ARHGAP39: variants seen among roughly 807,000 people sequenced by gnomAD.
ARHGAP39 encodes Rho GTPase activating protein 39.
Under a neutral mutation model 106.9 loss-of-function variants are expected in ARHGAP39, and 44 were observed. The ratio of observed to expected loss-of-function variants is 0.41; its 90% CI spans 0.32 to 0.53. The LOEUF (loss-of-function observed/expected upper bound fraction) is 0.53. Among genes scored for constraint, ARHGAP39 ranks in the 20% least tolerant of loss-of-function variants. ARHGAP39 has a pLI of 0.21. For synonymous variants in ARHGAP39, 768 were observed against 693.2 expected, an observed-to-expected ratio of 1.11 and a Z score of -1.69; for missense variants, 1,496 against 1,577.3, an observed-to-expected ratio of 0.95 and a Z score of 0.87.
At chr8:144,683,364 T>C (rs1822479807) in intron 1 of ARHGAP39, 1 of 149,200 alleles carries the variant, frequency 6.7e-6, no homozygotes, top group Non-Finnish European at 1.5e-5. Context: ...TTTTTTTTTT[T>C]TGAGACAGAG....
intron 3 of ARHGAP39, among the ~76,000 whole-genome samples, chr8:144,574,620 G>A (rs112505946): frequency 0.093 from 14,187 of 152,254 alleles, 1,553 homozygotes; most frequent in African/African-American, 0.26. Flanking sequence ...CTTGCAGTAA[G>A]CTGAGATTGC....
At chr8:144,577,170 A>T (rs1818808070) in intron 3 of ARHGAP39, among the ~76,000 whole-genome samples, 1 of 152,176 alleles carries the variant, frequency 6.6e-6, no homozygotes, top group Non-Finnish European at 1.5e-5. Flanking sequence ...TGCAGGCATG[A>T]GATTGCTCAC....
In ARHGAP39 at chr8:144,534,342, G is replaced by A. The variant is rs558072151; in HGVS notation, c.2615-140C>T. On this transcript the variant is annotated intron_variant, in intron 7 of 11. Coordinates refer to ENST00000377307, the MANE Select transcript of ARHGAP39 (RefSeq NM_025251.3). ...CCGGTCACCCCCTGCCCAGCACAGC[G>A]GGTCCTCACACTCTCCCAGGCAGTG... The A allele has an allele frequency of 8.1e-4, 672 of 827,082 alleles. 4 individuals are homozygous for A. The African/African-American group carries it at 0.011, about 13-fold the overall frequency. 51.2% of individuals were successfully genotyped at this position (827,082 alleles called of 1,614,324 possible).
intron 1 of ARHGAP39, among the ~76,000 whole-genome samples, chr8:144,685,301 G>A (rs577053143): frequency 2.0e-5 from 3 of 151,392 alleles, no homozygotes; most frequent in South Asian, 2.1e-4. Flanking sequence ...CATTGGGGCC[G>A]GGCACACTCA....
At position 144,581,209 on chromosome 8, in the gene ARHGAP39, T is replaced by G. The variant is rs1448277425; in HGVS notation, c.149A>C (p.Glu50Ala). The G allele has an allele frequency of 6.4e-7, 1 of 1,556,812 alleles. No homozygotes were observed. Among genetic ancestry groups the G allele is most frequent in the Admixed American group, 1.9e-5 (1 of 51,468 alleles). Residue 50 changes from glutamate to alanine, a missense_variant, in exon 3 of 12, where the codon GAG (glutamate) becomes GCG (alanine). By Grantham distance (107) the Glu-to-Ala change is moderately radical (BLOSUM62 -1). Coordinates refer to ENST00000377307, the MANE Select transcript of ARHGAP39 (RefSeq NM_025251.3). ...ERMYANLVTG[E>A]CVWDPPAGVR... ...GCCGGCCGGCGGGTCCCACACGCAC[T>G]CACCGGTGACCAGGTTGGCGTACAT...
At position 144,547,584 on chromosome 8, in the gene ARHGAP39, A is replaced by G. The variant is rs778572951; in HGVS notation, c.1502T>C (p.Leu501Ser). 10 of 1,475,092 alleles carry G rather than the reference A, an allele frequency of 6.8e-6. No individual in the cohort carries two copies. The Admixed American group carries it at 2.4e-4, about 35-fold the overall frequency. The allele number at this position is 1,475,092 out of a possible 1,614,324, so 91.4% of individuals were successfully genotyped here. Residue 501 changes from leucine (L) to serine (S), a missense_variant, in exon 5 of 12, where the codon TTG (leucine) becomes TCG (serine). Physicochemically the swap from Leu to Ser is moderately radical, Grantham distance 145. Transcript: ENST00000377307. This position sits in a 1 kb window ranked among gnomAD's most constrained non-coding sequence, Gnocchi z 5.2. Reference sequence around the variant, plus strand: ...GGGGGTGGCGCTGGTGGCTTGGCACAAAGAGGGCTTTCTGCTCTTCCGCTT... The same window carrying G: ...GGGGGTGGCGCTGGTGGCTTGGCACGAAGAGGGCTTTCTGCTCTTCCGCTT... ...TRKRKSRKPS[L>S]CQATSATPTE...
intron 3 of ARHGAP39, among the ~76,000 whole-genome samples, chr8:144,577,935 A>G (rs1429023016): frequency 6.6e-6 from 1 of 152,254 alleles, no homozygotes; most frequent in East Asian, 1.9e-4. Flanking sequence ...TGGATGAAAT[A>G]TCAGCTTACA....
chr8:144,535,830 G>C (rs746509946), intron 7 of ARHGAP39, among the ~76,000 whole-genome samples: 1 of 152,248 alleles, frequency 6.6e-6, no homozygotes, highest in Non-Finnish European at 1.5e-5. Context: ...CTGTGCCTCA[G>C]TTTACTCCTC....
intron 1 of ARHGAP39, 130 bp from the exon 2 acceptor site, chr8:144,605,825 C>T (rs1820270629): frequency 5.1e-6 from 3 of 592,862 alleles, no homozygotes; most frequent in East Asian, 5.7e-5. Flanking sequence ...TGAGCCGCCC[C>T]CGGGCAGCCA....
chr8:144,552,658 G>A (rs981648808), intron 4 of ARHGAP39, among the ~76,000 whole-genome samples: 3 of 152,128 alleles, frequency 2.0e-5, no homozygotes, highest in African/African-American at 7.2e-5. Flanking sequence ...CCTGAGTGCT[G>A]GTATCAAGCT....
At chr8:144,565,205 G>C (rs986820684) in intron 3 of ARHGAP39, among the ~76,000 whole-genome samples, 9 of 152,088 alleles carry the variant, frequency 5.9e-5, no homozygotes, top group Admixed American at 2.0e-4. Flanking sequence ...TCTGGGCCAG[G>C]AGGTTGAGGC....
intron 1 of ARHGAP39, among the ~76,000 whole-genome samples, chr8:144,632,210 GAGTACACAATTC>G (rs1421234740): frequency 6.6e-6 from 1 of 152,216 alleles, no homozygotes; most frequent in Admixed American, 6.5e-5. Context: ...CATGCACTGT[GAGTACACAATTC>G]AGTGACTGCT....
intron 2 of ARHGAP39, among the ~76,000 whole-genome samples, chr8:144,596,282 AC>A (rs1819620144): frequency 7.2e-6 from 1 of 139,298 alleles, no homozygotes; most frequent in Non-Finnish European, 1.5e-5. Flanking sequence ...AGGCCTCGCC[AC>A]CCCGGCACTC....
rs1186548281 is a variant in ARHGAP39 at position 144,586,854 on chromosome 8, C to T, written c.81-5577G>A. Among the ~76,000 whole-genome samples, 1 of 152,246 alleles carries T rather than the reference C, an allele frequency of 6.6e-6. No homozygotes were observed. Among genetic ancestry groups the T allele is most frequent in the African/African-American group, 2.4e-5 (1 of 41,458 alleles). On this transcript the variant is annotated intron_variant, in intron 2 of 11. Transcript: ENST00000377307. This position sits in a 1 kb window ranked among gnomAD's most constrained non-coding sequence, Gnocchi z 4.2. Reference sequence around the variant, plus strand: ...ACCCTACATGGCTGCACGCCCATCTCATACACCAGGATGGGCAATGATATG... The same window carrying T: ...ACCCTACATGGCTGCACGCCCATCTTATACACCAGGATGGGCAATGATATG...
In ARHGAP39 at chr8:144,645,495, C is replaced by T. The variant is rs1041238201; in HGVS notation, c.-81-39800G>A. ...TCCCGGCAGAGTCACTGATGGTCTC[C>T]GTCAGGGCAGAGCCTCCCCGCCTCA... On this transcript the variant is annotated intron_variant, in intron 1 of 11. Transcript: ENST00000377307. This position sits in a 1 kb window ranked among gnomAD's most constrained non-coding sequence, Gnocchi z 4.4. 3.3e-5 allele frequency among the ~76,000 whole-genome samples: 5 copies of T among 151,930 alleles called. No homozygotes were observed. Among genetic ancestry groups the T allele is most frequent in the African/African-American group, 7.3e-5 (3 of 41,348 alleles).
chr8:144,698,282 A>G, the ARHGAP39 span, among the ~76,000 whole-genome samples: 6 of 152,244 alleles, frequency 3.9e-5, no homozygotes, highest in African/African-American at 9.6e-5. Flanking sequence ...ATCTTCCACC[A>G]TAAGTGAAAG....
chr8:144,544,236 G>A (rs556585696), intron 6 of ARHGAP39, among the ~76,000 whole-genome samples: 5 of 152,262 alleles, frequency 3.3e-5, no homozygotes, highest in Non-Finnish European at 5.9e-5. Flanking sequence ...GCTGGGTGGT[G>A]CCTATACCCA....
intron 1 of ARHGAP39, among the ~76,000 whole-genome samples, chr8:144,675,569 G>A (rs1042348038): frequency 2.0e-5 from 3 of 151,746 alleles, no homozygotes; most frequent in Non-Finnish European, 4.4e-5. Context: ...TTGTGGTCTC[G>A]CTGGCCTCAG....
Position 144,545,730 on chromosome 8 carries a change from G to A in ARHGAP39, c.2040C>T (p.Phe680=). ...RSGVPSSSCV[F]PTFTLRKPSS... ...AGGGCTTGCGCAGCGTGAAAGTGGGGAAGACGCAGCTGGAGCTGGGAACGC... is the reference window on the plus strand; with the variant it reads ...AGGGCTTGCGCAGCGTGAAAGTGGGAAAGACGCAGCTGGAGCTGGGAACGC... Residue 680 remains phenylalanine (F), a synonymous_variant, in exon 6 of 12, where the codon TTC becomes TTT. Transcript: ENST00000377307. 1 of 1,612,248 alleles carries A rather than the reference G, an allele frequency of 6.2e-7. No individual in the cohort carries two copies. Among genetic ancestry groups the A allele is most frequent in the Non-Finnish European group, 8.5e-7 (1 of 1,179,776 alleles).
Sources: gnomAD v4.1 joint callset for allele counts (sites outside exome capture counted in the v4.1 genomes callset) on GRCh38, gnomAD v4.1.1 for gene constraint, Gnocchi (gnomAD v3.1) non-coding constraint, MANE v1.5 for transcripts, NCBI Gene and HGNC (gene_info 2026-07-23, HGNC 2026-07-21) for gene names.